CAPN3: variants seen among roughly 807,000 people sequenced by gnomAD.
The protein encoded by CAPN3 is calpain-3.
Under a neutral mutation model 114.0 loss-of-function variants are expected in CAPN3, and 88 were observed. That is an observed-to-expected ratio of 0.77 (90% CI 0.65 to 0.92). The LOEUF (loss-of-function observed/expected upper bound fraction) is 0.92. Among genes scored for constraint, CAPN3 ranks in the 40% least tolerant of loss-of-function variants. CAPN3 has a pLI of 0.00. For missense variants in CAPN3, 1,028 were observed against 1,069.0 expected (o/e 0.96, Z 0.53); for synonymous variants, 386 against 382.9 (o/e 1.01, Z -0.09).
At chr15:42,375,229 C>T (rs566368607) in intron 1 of CAPN3, among the ~76,000 whole-genome samples, 14 of 151,768 alleles carry the variant, frequency 9.2e-5, no homozygotes, top group South Asian at 6.3e-4. Context: ...TCACAGTTTC[C>T]GGGAGAGTTC....
chr15:42,369,165 T>C (rs8038967), intron 1 of CAPN3, among the ~76,000 whole-genome samples: 7,972 of 152,138 alleles, frequency 0.052, 645 homozygotes, highest in African/African-American at 0.17. Flanking sequence ...TGTCTCTGGT[T>C]GGAGGGGAGG....
Position 42,360,051 on chromosome 15 carries a change from G to C in CAPN3, c.246G>C (p.Pro82=). ...TTTATGTGGACCCTGAGTTCCCACCGGATGAGACCTCTCTCTTTTATAGCC... is the reference window on the plus strand; with the variant it reads ...TTTATGTGGACCCTGAGTTCCCACCCGATGAGACCTCTCTCTTTTATAGCC... ...KVLYVDPEFP[P]DETSLFYSQK... Residue 82 remains proline, a synonymous_variant, in exon 1 of 24, where the codon CCG becomes CCC. Transcript: ENST00000397163. 1 of 1,614,192 alleles carries C rather than the reference G, an allele frequency of 6.2e-7. No individual in the cohort carries two copies. Among genetic ancestry groups the C allele is most frequent in the Non-Finnish European group, 8.5e-7 (1 of 1,180,014 alleles).
chr15:42,364,553 T>G (rs1455140770), intron 1 of CAPN3, among the ~76,000 whole-genome samples: 1 of 152,256 alleles, frequency 6.6e-6, no homozygotes, highest in African/African-American at 2.4e-5. Context: ...TCCATCCATC[T>G]CAGCATGAGG....
At chr15:42,389,708 T>G (rs2053501485) in intron 5 of CAPN3, among the ~76,000 whole-genome samples, 1 of 152,190 alleles carries the variant, frequency 6.6e-6, no homozygotes, top group South Asian at 2.1e-4. Flanking sequence ...GAAGCTGAAT[T>G]CCTGCCCCTT....
At chr15:42,392,922 G>A (rs2053599935) in intron 7 of CAPN3, among the ~76,000 whole-genome samples, 200 bp downstream of exon 7, 1 of 152,212 alleles carries the variant, frequency 6.6e-6, no homozygotes, top group Non-Finnish European at 1.5e-5. Context: ...TTGGTGCACA[G>A]TTTATCTTTG....
At chr15:42,370,202 T>G (rs2052908067) in intron 1 of CAPN3, among the ~76,000 whole-genome samples, 1 of 152,080 alleles carries the variant, frequency 6.6e-6, no homozygotes, top group Non-Finnish European at 1.5e-5. Context: ...TTGGAAGCTT[T>G]CTGTCCATAC....
In CAPN3 at chr15:42,394,330, T is replaced by G; in HGVS notation, c.1104T>G (p.Ser368=). The change falls in exon 8 of 24, where the codon TCT becomes TCG. Residue 368 remains serine, a synonymous_variant. Coordinates refer to ENST00000397163, the MANE Select transcript of CAPN3 (RefSeq NM_000070.3). ...NPWGQVEWNG[S]WSDRWKDWSF... is the part of the protein sequence containing the mutation. ...GGGGCCAGGTGGAGTGGAACGGTTC[T>G]TGGAGTGATAGGTAGGTGAGGGGAC... 1 of 1,560,020 alleles carries G rather than the reference T, an allele frequency of 6.4e-7. No homozygotes were observed. The highest frequency in any genetic ancestry group is 8.7e-7 in the Non-Finnish European group (1 of 1,151,434).
chr15:42,401,511 T>G, intron 10 of CAPN3, 130 bp from the exon 11 acceptor site: 1 of 346,052 alleles, frequency 2.9e-6, no homozygotes, highest in Non-Finnish European at 5.7e-6. Context: ...AATGCCTGAA[T>G]CGTGTTTTCT....
At chr15:42,402,191 G>A in intron 12 of CAPN3, 56 bp downstream of exon 12, 1 of 1,613,026 alleles carries the variant, frequency 6.2e-7, no homozygotes, top group South Asian at 1.1e-5. Flanking sequence ...GGGGCCCCGA[G>A]TCTGTCTGTG....
intron 17 of CAPN3, among the ~76,000 whole-genome samples, 185 bp downstream of exon 17, chr15:42,409,565 G>A (rs1566984604): frequency 6.6e-6 from 1 of 152,180 alleles, no homozygotes. Context: ...GTCTGCTGGG[G>A]GGCTCAGAGG....
chr15:42,392,496 G>A (rs943355300), intron 6 of CAPN3, 143 bp from the exon 7 acceptor site: 57 of 683,390 alleles, frequency 8.3e-5, no homozygotes, highest in African/African-American at 6.6e-4. Flanking sequence ...AGGTCCGTTC[G>A]TGGTCGTGAG....
intron 17 of CAPN3, 44 bp downstream of exon 17, chr15:42,409,424 C>T (rs773194598): frequency 6.6e-7 from 1 of 1,524,646 alleles, no homozygotes; most frequent in Non-Finnish European, 9.1e-7. Context: ...GCTTCCTTCT[C>T]TCCTGGATTA....
chr15:42,386,694 G>A (rs1034825368), intron 3 of CAPN3, among the ~76,000 whole-genome samples: 4 of 152,130 alleles, frequency 2.6e-5, no homozygotes, highest in Non-Finnish European at 4.4e-5. Context: ...AAGGCATGGC[G>A]GTACCAAGGC....
chr15:42,369,519 G>A (rs76607466), intron 1 of CAPN3, among the ~76,000 whole-genome samples: 1 of 151,956 alleles, frequency 6.6e-6, no homozygotes, highest in Non-Finnish European at 1.5e-5. Flanking sequence ...AAAAAAAAAA[G>A]AATGTGATCA....
At position 42,386,184 on chromosome 15, in the gene CAPN3, G is replaced by A. The variant is rs946415346; in HGVS notation, c.397G>A (p.Ala133Thr). 5 of 1,613,430 alleles carry A rather than the reference G, an allele frequency of 3.1e-6. No homozygotes were observed. Among genetic ancestry groups the A allele is most frequent in the Non-Finnish European group, 3.4e-6 (4 of 1,179,438 alleles). ...GCCTGCAGGGGACTGCTGGTTTCTCGCAGCCATTGCCTGCCTGACCCTGAA... is the reference window on the plus strand; with the variant it reads ...GCCTGCAGGGGACTGCTGGTTTCTCACAGCCATTGCCTGCCTGACCCTGAA... ...QGELGDCWFL[A>T]AIACLTLNQH... The change falls in exon 3 of 24, where the codon GCA becomes ACA. Residue 133 changes from alanine to threonine, a missense_variant. Transcript: ENST00000397163.
rs777125401 is a variant in CAPN3 at position 42,390,027 on chromosome 15, G to A, written c.876G>A (p.Arg292=). 3.1e-6 allele frequency: 5 copies of A among 1,614,126 alleles called. No homozygotes were observed. Among genetic ancestry groups the A allele is most frequent in the South Asian group, 1.1e-5 (1 of 91,080 alleles). ...GGGAGTTGATTGCACGGATGGTAAG[G>A]AATATGGATAACTCACTGCTCCAGG... is the stretch of plus-strand genomic sequence containing the variant. ...NMGELIARMV[R]NMDNSLLQDS... Residue 292 remains arginine, a synonymous_variant, in exon 6 of 24, where the codon AGG becomes AGA. Coordinates refer to ENST00000397163, the MANE Select transcript of CAPN3 (RefSeq NM_000070.3).
At chr15:42,404,380 CAT>C (rs779133139) in intron 14 of CAPN3, 33 of 456,422 alleles carry the variant, frequency 7.2e-5, no homozygotes, top group South Asian at 2.6e-4. Flanking sequence ...GTACTTTTCA[CAT>C]GTGTCATCGC....
chr15:42,361,933 T>G (rs2052654429), intron 1 of CAPN3, among the ~76,000 whole-genome samples: 1 of 152,254 alleles, frequency 6.6e-6, no homozygotes, highest in Non-Finnish European at 1.5e-5. Context: ...CCTTCAATCT[T>G]TCTCATGACT....
At chr15:42,388,845 G>A in intron 4 of CAPN3, 83 bp from the exon 5 acceptor site, 2 of 1,109,686 alleles carry the variant, frequency 1.8e-6, no homozygotes, top group Non-Finnish European at 2.8e-6. Flanking sequence ...GCATCCAAGA[G>A]GTAAAGTTCT....
Sources: gnomAD v4.1 joint callset for allele counts (sites outside exome capture counted in the v4.1 genomes callset) on GRCh38, gnomAD v4.1.1 for gene constraint, MANE v1.5 for transcripts, NCBI Gene and HGNC (gene_info 2026-07-23, HGNC 2026-07-21) for gene names.